Variants in NXPE3 observed in about 807,000 individuals in gnomAD.
The protein encoded by NXPE3 is neurexophilin and PC-esterase domain family member 3.
In NXPE3, 26 loss-of-function variants were observed where a neutral mutation model predicts 46.1. The observed-to-expected ratio is 0.56, with a 90% CI of 0.41 to 0.78. The LOEUF (loss-of-function observed/expected upper bound fraction) is 0.78, where lower values mean the gene tolerates loss of function less well. Among genes scored for constraint, NXPE3 ranks in the 30% least tolerant of loss-of-function variants. The pLI, the probability that NXPE3 is intolerant of heterozygous loss-of-function variation, is 0.00. For missense variants in NXPE3, 620 were observed against 686.0 expected (o/e 0.90, Z 1.07); for synonymous variants, 272 against 257.9 (o/e 1.05, Z -0.52).
At chr3:101,797,065 C>T (rs577192416) in intron 4 of NXPE3, among the ~76,000 whole-genome samples, 1 of 152,142 alleles carries the variant, frequency 6.6e-6, no homozygotes, top group African/African-American at 2.4e-5. Flanking sequence ...TAACTTTTTT[C>T]CTGCCCATTT....
intron 7 of NXPE3, among the ~76,000 whole-genome samples, chr3:101,817,333 C>G (rs748910357): frequency 7.2e-5 from 11 of 152,216 alleles, no homozygotes; most frequent in Admixed American, 3.9e-4. Flanking sequence ...TCTTTCCCTT[C>G]TAATATTCTG....
intron 5 of NXPE3, among the ~76,000 whole-genome samples, chr3:101,806,631 A>T (rs1301173339): frequency 2.0e-5 from 3 of 152,066 alleles, no homozygotes; most frequent in African/African-American, 7.2e-5. Flanking sequence ...CCCCACTAGG[A>T]CTCCTGTCAG....
In NXPE3 at chr3:101,827,570, A is replaced by C. The variant is rs1942550676; in HGVS notation, c.*5616A>C. Among the ~76,000 whole-genome samples, 1 of 152,178 alleles carries C rather than the reference A, an allele frequency of 6.6e-6. No homozygotes were observed. The highest frequency in any genetic ancestry group is 2.4e-5 in the African/African-American group (1 of 41,436). The stretch of plus-strand genomic sequence containing the variant: ...AGGGGCCACACAGAAAAAGCGAAAT[A>C]AGATGAGGTGAATCTAATGAGAAGG... On this transcript the variant is annotated 3_prime_UTR_variant, in exon 8 of 8. Coordinates refer to ENST00000273347, the MANE Select transcript of NXPE3 (RefSeq NM_145037.4).
chr3:101,825,425 T>G lies in NXPE3; in HGVS notation c.*3471T>G, dbSNP rs1942451505. The G allele has an allele frequency of 6.6e-6, 1 of 152,348 alleles. No homozygotes were observed. Among genetic ancestry groups the G allele is most frequent in the African/African-American group, 2.4e-5 (1 of 41,588 alleles). 9.4% of individuals were successfully genotyped at this position (152,348 alleles called of 1,614,324 possible). A position where few individuals can be genotyped will look rare whatever the true frequency, so the allele number is the denominator to read the frequency against. On this transcript the variant is annotated 3_prime_UTR_variant, in exon 8 of 8. Coordinates refer to ENST00000273347, the MANE Select transcript of NXPE3 (RefSeq NM_145037.4). ...GAATATTAGCATGGTAGCCAAATAA[T>G]AGTTTGTTTAAATGTATATTTCCCA...
intron 7 of NXPE3, among the ~76,000 whole-genome samples, chr3:101,818,224 A>T (rs1399722187): frequency 1.3e-5 from 2 of 152,156 alleles, no homozygotes; most frequent in Non-Finnish European, 2.9e-5. Flanking sequence ...GGGGAAGTAG[A>T]TATTGTCCCC....
At chr3:101,807,860 G>A (rs1941495923) in intron 6 of NXPE3, among the ~76,000 whole-genome samples, 1 of 152,040 alleles carries the variant, frequency 6.6e-6, no homozygotes, top group African/African-American at 2.4e-5. Flanking sequence ...AAAAAGTTGT[G>A]TTGGACATTG....
In NXPE3 at chr3:101,807,095, T is replaced by C; in HGVS notation, c.891T>C (p.Asp297=). ...TGCCAGTCAACTCCAGTGGACCTGA[T>C]TGGGTAACTGTGATTCCCAGGAGAA... ...IKMPVNSSGP[D]WVTVIPRRIK... is the part of the protein sequence containing the mutation. Residue 297 remains aspartate, a synonymous_variant, in exon 6 of 8, where the codon GAT becomes GAC. Coordinates refer to ENST00000273347, the MANE Select transcript of NXPE3 (RefSeq NM_145037.4). 6.2e-7 allele frequency: 1 copy of C among 1,613,582 alleles called. No individual in the cohort carries two copies. Among genetic ancestry groups the C allele is most frequent in the Middle Eastern group, 1.7e-4 (1 of 6,054 alleles).
chr3:101,796,248 G>A (rs1338314434), intron 4 of NXPE3, among the ~76,000 whole-genome samples: 1 of 152,196 alleles, frequency 6.6e-6, no homozygotes, highest in Admixed American at 6.5e-5. Flanking sequence ...TGTGGGACAG[G>A]CAATCACCAT....
chr3:101,818,328 A>G (rs1942055935), intron 7 of NXPE3, among the ~76,000 whole-genome samples: 1 of 152,162 alleles, frequency 6.6e-6, no homozygotes, highest in Admixed American at 6.5e-5. Context: ...TAATTTGTAC[A>G]TTAGGAGAAG....
chr3:101,813,535 G>A (rs1941821227), intron 6 of NXPE3, among the ~76,000 whole-genome samples: 1 of 152,104 alleles, frequency 6.6e-6, no homozygotes, highest in Non-Finnish European at 1.5e-5. Context: ...TGCAAACCAT[G>A]GGCTTTAAAG....
Position 101,787,613 on chromosome 3 carries a change from T to C in NXPE3, c.93+1924T>C, listed in dbSNP as rs866485320. Among the ~76,000 whole-genome samples the C allele has an allele frequency of 2.6e-5, 4 of 152,236 alleles. No homozygotes were observed. The South Asian group carries it at 8.3e-4, about 31-fold the overall frequency. ...GAGCCATGAAGCCTGGCCTGGTATTTGTCTTTTTGTGATTGGCTTATTTCT... is the reference window on the plus strand; with the variant it reads ...GAGCCATGAAGCCTGGCCTGGTATTCGTCTTTTTGTGATTGGCTTATTTCT... On this transcript the variant is annotated intron_variant, in intron 4 of 7. Coordinates refer to ENST00000273347, the MANE Select transcript of NXPE3 (RefSeq NM_145037.4).
intron 7 of NXPE3, among the ~76,000 whole-genome samples, chr3:101,819,529 A>T (rs140953517): frequency 6.6e-6 from 1 of 152,348 alleles, no homozygotes; most frequent in African/African-American, 2.4e-5. Flanking sequence ...AAGTCAAAAG[A>T]AACAGGGTTG....
At chr3:101,804,161 C>T (rs1006597395) in intron 5 of NXPE3, among the ~76,000 whole-genome samples, 4 of 152,076 alleles carry the variant, frequency 2.6e-5, no homozygotes, top group African/African-American at 9.7e-5. Context: ...TATAGAGTTA[C>T]GTTGTCAGTC....
intron 6 of NXPE3, among the ~76,000 whole-genome samples, chr3:101,815,295 T>C (rs1177990446): frequency 6.6e-6 from 1 of 152,258 alleles, no homozygotes; most frequent in African/African-American, 2.4e-5. Context: ...CGTTAGATTG[T>C]CTGCCATTAG....
intron 6 of NXPE3, among the ~76,000 whole-genome samples, chr3:101,813,870 A>G (rs750266006): frequency 6.6e-6 from 1 of 152,234 alleles, no homozygotes; most frequent in African/African-American, 2.4e-5. Context: ...CTTAAAAATC[A>G]TATTAAAATT....
intron 7 of NXPE3, 107 bp from the exon 8 acceptor site, chr3:101,821,297 G>T (rs1424158384): frequency 2.4e-6 from 2 of 825,724 alleles, no homozygotes; most frequent in Admixed American, 2.8e-5. Context: ...GTACCTTTTT[G>T]TTGTACTTAA....
At position 101,827,803 on chromosome 3, in the gene NXPE3, C is replaced by G. The variant is rs1942563383; in HGVS notation, c.*5849C>G. ...GTGTGCAGAAAAAAAATCCACAAAT[C>G]TAGGCCTCGCTGCCCCCTCCCTGCC... is the stretch of plus-strand genomic sequence containing the variant. On this transcript the variant is annotated 3_prime_UTR_variant, in exon 8 of 8. Transcript: ENST00000273347. 6.6e-6 allele frequency among the ~76,000 whole-genome samples: 1 copy of G among 152,176 alleles called. No homozygotes were observed. The highest frequency in any genetic ancestry group is 2.4e-5 in the African/African-American group (1 of 41,432).
intron 7 of NXPE3, among the ~76,000 whole-genome samples, chr3:101,818,751 A>AATTT (rs1942107218): frequency 8.6e-5 from 1 of 11,618 alleles, no homozygotes; most frequent in African/African-American, 2.7e-4. Flanking sequence ...ATATATATAT[A>AATTT]TATTTTTTTT....
intron 7 of NXPE3, among the ~76,000 whole-genome samples, chr3:101,818,739 ATATATATATATATATTTTTTTT>A (rs1942090712): frequency 3.4e-5 from 1 of 29,032 alleles, no homozygotes; most frequent in African/African-American, 1.2e-4. Flanking sequence ...ATATATATAT[ATATATATATATATATTTTTTTT>A]TTTTTTTTTT....
Sources: gnomAD v4.1 joint callset for allele counts (sites outside exome capture counted in the v4.1 genomes callset) on GRCh38, gnomAD v4.1.1 for gene constraint, MANE v1.5 for transcripts, NCBI Gene and HGNC (gene_info 2026-07-23, HGNC 2026-07-21) for gene names.